The following GALNT14 variants were observed in gnomAD, a reference collection of about 807,000 sequenced individuals.
GALNT14 encodes polypeptide N-acetylgalactosaminyltransferase 14, also known as UDP-GalNAc:polypeptide N-acetylgalactosaminyltransferase 14.
In GALNT14, 60 loss-of-function variants were observed where a neutral mutation model predicts 77.5. That is an observed-to-expected ratio of 0.77 (90% confidence interval 0.63 to 0.96). GALNT14 has a LOEUF of 0.96. Ranked by LOEUF, GALNT14 falls within the 40% of genes least tolerant of loss-of-function variation. The probability of loss-of-function intolerance (pLI) is 0.00; values close to 1 mark genes in which losing one functional copy is unlikely to be tolerated. For synonymous variants in GALNT14, 280 were observed against 281.7 expected (o/e 0.99, Z 0.06); for missense variants, 710 against 731.0 (o/e 0.97, Z 0.33).
intron 1 of GALNT14, among the ~76,000 whole-genome samples, chr2:31,084,634 T>C (rs1676324004): frequency 6.6e-6 from 1 of 152,230 alleles, no homozygotes; most frequent in Admixed American, 6.5e-5. Flanking sequence ...TCTCTGCTCC[T>C]TGGTAGCTGA....
At chr2:31,023,255 C>T (rs146793395) in intron 1 of GALNT14, among the ~76,000 whole-genome samples, 2 of 152,168 alleles carry the variant, frequency 1.3e-5, no homozygotes, top group East Asian at 3.9e-4. Flanking sequence ...GTAAAGTTTC[C>T]AGTGGATGAA....
intron 9 of GALNT14, among the ~76,000 whole-genome samples, chr2:30,937,377 C>A (rs956081704): frequency 2.0e-5 from 3 of 152,176 alleles, no homozygotes; most frequent in African/African-American, 7.2e-5. Context: ...TTTGGCGGAG[C>A]CCTCTGCTTA....
chr2:31,066,592 C>T (rs144868683), intron 1 of GALNT14, among the ~76,000 whole-genome samples: 4 of 152,240 alleles, frequency 2.6e-5, no homozygotes, highest in Admixed American at 1.3e-4. Context: ...AAGTACATCT[C>T]GGCCAAAACA....
At chr2:30,988,871 T>C (rs1433287477) in intron 2 of GALNT14, among the ~76,000 whole-genome samples, 1 of 152,198 alleles carries the variant, frequency 6.6e-6, no homozygotes, top group Non-Finnish European at 1.5e-5. Context: ...CTGATGCTGG[T>C]GGCCTGCTGG....
At chr2:30,932,278 C>A (rs1032920235) in intron 9 of GALNT14, 84 bp from the exon 10 acceptor site, 21 of 1,297,040 alleles carry the variant, frequency 1.6e-5, no homozygotes, top group South Asian at 2.1e-5. Context: ...AACGGTGAGG[C>A]CCCCGCAGAG....
intron 1 of GALNT14, among the ~76,000 whole-genome samples, chr2:31,079,434 T>C (rs1217505124): frequency 2.6e-5 from 4 of 152,208 alleles, no homozygotes; most frequent in African/African-American, 9.6e-5. Flanking sequence ...GCCCTCGGAC[T>C]GTCCTGAGAA....
intron 1 of GALNT14, among the ~76,000 whole-genome samples, chr2:31,024,853 T>G (rs975896491): frequency 6.6e-6 from 1 of 152,122 alleles, no homozygotes; most frequent in Non-Finnish European, 1.5e-5. Context: ...AAATTCTAAG[T>G]GTGACCCCAC....
chr2:30,905,889 A>C (rs1422775454), downstream of GALNT14, among the ~76,000 whole-genome samples: 2 of 152,158 alleles, frequency 1.3e-5, no homozygotes, highest in Non-Finnish European at 2.9e-5. Context: ...AAGCCAGAAG[A>C]GAGTCAGGGC....
chr2:30,887,458 T>C, the GALNT14 span, among the ~76,000 whole-genome samples: 5 of 152,230 alleles, frequency 3.3e-5, no homozygotes, highest in Admixed American at 3.3e-4. Context: ...TGCCTTGCAT[T>C]TTTCCAGTGA....
At chr2:31,029,072 A>G (rs367812343) in intron 1 of GALNT14, among the ~76,000 whole-genome samples, 1 of 152,106 alleles carries the variant, frequency 6.6e-6, no homozygotes, top group Non-Finnish European at 1.5e-5. Flanking sequence ...GCCCCACCCA[A>G]CAAGAACTCT....
intron 1 of GALNT14, among the ~76,000 whole-genome samples, chr2:31,010,626 C>T (rs972141629): frequency 7.2e-5 from 11 of 152,052 alleles, no homozygotes; most frequent in African/African-American, 2.4e-4. Flanking sequence ...AGATGACATT[C>T]GTTCCCGTCT....
chr2:31,046,696 A>G (rs953653623), intron 1 of GALNT14, among the ~76,000 whole-genome samples: 1 of 152,164 alleles, frequency 6.6e-6, no homozygotes, highest in African/African-American at 2.4e-5. Context: ...GTAGAGGTCA[A>G]TGGCCTACAG....
intron 1 of GALNT14, among the ~76,000 whole-genome samples, chr2:31,043,562 G>T (rs1673234812): frequency 6.6e-6 from 1 of 152,116 alleles, no homozygotes; most frequent in South Asian, 2.1e-4. Context: ...CAATGGATCT[G>T]GTCCCTGCAG....
chr2:31,117,542 G>A lies in GALNT14; in HGVS notation c.129+20416C>T, dbSNP rs561644218. 2.0e-5 allele frequency among the ~76,000 whole-genome samples: 3 copies of A among 152,290 alleles called. No homozygotes were observed. The South Asian group carries it at 6.2e-4, about 32-fold the overall frequency. On this transcript the variant is annotated intron_variant, in intron 1 of 14. Transcript: ENST00000349752. ...TTGAAAACATCTATAAGATGGAGTAGGTTTAAGAAAGGATAAAATATGTAT... is the reference window on the plus strand; with the variant it reads ...TTGAAAACATCTATAAGATGGAGTAAGTTTAAGAAAGGATAAAATATGTAT...
chr2:31,085,656 G>A (rs1330888841), intron 1 of GALNT14, among the ~76,000 whole-genome samples: 1 of 152,198 alleles, frequency 6.6e-6, no homozygotes, highest in African/African-American at 2.4e-5. Flanking sequence ...AGGGGCTCAT[G>A]AGAAGTCTCT....
chr2:30,894,467 G>T, the GALNT14 span, among the ~76,000 whole-genome samples: 7 of 152,132 alleles, frequency 4.6e-5, no homozygotes, highest in African/African-American at 1.7e-4. Context: ...TTCTGCCACA[G>T]AAATACAGAA....
chr2:31,087,536 A>AGAGGAGAAGAGACGAGAGG (rs1160670621), intron 1 of GALNT14, among the ~76,000 whole-genome samples: 1 of 150,404 alleles, frequency 6.6e-6, no homozygotes, highest in Admixed American at 6.6e-5. Context: ...CGAGGAGAGG[A>AGAGGAGAAGAGACGAGAGG]AGACCTCTAG....
intron 1 of GALNT14, among the ~76,000 whole-genome samples, chr2:31,039,610 C>A (rs1672979124): frequency 6.6e-6 from 1 of 152,190 alleles, no homozygotes; most frequent in African/African-American, 2.4e-5. Flanking sequence ...TTCCCTCAAC[C>A]ACTGATAGAA....
chr2:31,123,476 T>C (rs1262017780), intron 1 of GALNT14, among the ~76,000 whole-genome samples: 1 of 152,174 alleles, frequency 6.6e-6, no homozygotes, highest in Non-Finnish European at 1.5e-5. Flanking sequence ...ATCCTGATGC[T>C]GGCTTTCCCT....
Sources: gnomAD v4.1 joint callset for allele counts (sites outside exome capture counted in the v4.1 genomes callset) on GRCh38, gnomAD v4.1.1 for gene constraint, MANE v1.5 for transcripts, NCBI Gene and HGNC (gene_info 2026-07-23, HGNC 2026-07-21) for gene names.